Variants in RGS17 observed in about 807,000 individuals in gnomAD.
RGS17 encodes regulator of G-protein signaling 17.
A neutral mutation model predicts 25.5 loss-of-function variants in RGS17; 12 were observed. The ratio of observed to expected loss-of-function variants is 0.47; its 90% CI spans 0.30 to 0.76. RGS17 has a LOEUF of 0.76. RGS17 is among the 30% of genes least tolerant of loss of function. The pLI, the probability that RGS17 is intolerant of heterozygous loss-of-function variation, is 0.07. For synonymous variants in RGS17, 71 were observed against 76.9 expected (o/e 0.92, Z 0.40); for missense variants, 196 against 242.2 (o/e 0.81, Z 1.27).
intron 1 of RGS17, among the ~76,000 whole-genome samples, chr6:153,100,130 GACTAC>G (rs1220967242): frequency 6.6e-6 from 1 of 152,136 alleles, no homozygotes; most frequent in African/African-American, 2.4e-5. Flanking sequence ...TTTATCTAAA[GACTAC>G]ATACCCTGGG....
intron 1 of RGS17, among the ~76,000 whole-genome samples, chr6:153,124,359 G>A (rs1013943810): frequency 1.9e-4 from 29 of 152,246 alleles, no homozygotes; most frequent in African/African-American, 5.3e-4. Flanking sequence ...AAACTAGTCA[G>A]GAAAGGATAA....
At position 153,053,717 on chromosome 6, in the gene RGS17, C is replaced by G. The variant is rs75567850; in HGVS notation, c.-25-9674G>C. Among the ~76,000 whole-genome samples the G allele has an allele frequency of 8.6e-5, 13 of 151,192 alleles. No individual in the cohort carries two copies. In the East Asian group the frequency reaches 2.5e-3, roughly 30 times the overall value. ...CTGAGGTAGGAGGATTGCTTCAACCCAGGTGTTCGAGGCTGCAGTGACCTA... is the reference window on the plus strand; with the variant it reads ...CTGAGGTAGGAGGATTGCTTCAACCGAGGTGTTCGAGGCTGCAGTGACCTA... On this transcript the variant is annotated intron_variant, in intron 1 of 4. Transcript: ENST00000206262.
chr6:153,105,181 A>G (rs895447282), intron 1 of RGS17, among the ~76,000 whole-genome samples: 1 of 152,166 alleles, frequency 6.6e-6, no homozygotes, highest in Admixed American at 6.6e-5. Flanking sequence ...GAACCCAGTC[A>G]GGTTCAATAA....
At chr6:153,070,096 A>G (rs982397773) in intron 1 of RGS17, among the ~76,000 whole-genome samples, 23 of 152,124 alleles carry the variant, frequency 1.5e-4, no homozygotes, top group Non-Finnish European at 2.5e-4. Context: ...AGCTACTAGA[A>G]AGACTTTGCA....
intron 1 of RGS17, among the ~76,000 whole-genome samples, chr6:153,070,010 C>T (rs958552845): frequency 6.6e-6 from 1 of 151,982 alleles, no homozygotes; most frequent in Non-Finnish European, 1.5e-5. Flanking sequence ...AGGAAGTATA[C>T]AAGTGATAGA....
intron 1 of RGS17, among the ~76,000 whole-genome samples, chr6:153,051,866 G>T (rs1039870668): frequency 6.6e-6 from 1 of 152,196 alleles, no homozygotes. Flanking sequence ...TTAGTATGGT[G>T]TGAAGCATGG....
chr6:153,099,340 T>C (rs1297492645), intron 1 of RGS17, among the ~76,000 whole-genome samples: 2 of 152,236 alleles, frequency 1.3e-5, no homozygotes. Flanking sequence ...GGACTTTTAA[T>C]TAATCTTTAT....
chr6:153,120,988 T>C (rs1423899951), intron 1 of RGS17, among the ~76,000 whole-genome samples: 3 of 152,172 alleles, frequency 2.0e-5, no homozygotes, highest in African/African-American at 7.2e-5. Flanking sequence ...AGTTCTCTCC[T>C]AGAATATAAT....
At chr6:153,035,443 G>A (rs546245339) in intron 2 of RGS17, among the ~76,000 whole-genome samples, 15 of 152,140 alleles carry the variant, frequency 9.9e-5, no homozygotes, top group Non-Finnish European at 1.8e-4. Flanking sequence ...AGAGCAGGCA[G>A]ATTGTAATAG....
intron 4 of RGS17, among the ~76,000 whole-genome samples, chr6:153,016,067 A>G (rs1261835618): frequency 1.3e-5 from 2 of 152,208 alleles, no homozygotes; most frequent in South Asian, 2.1e-4. Flanking sequence ...AAGCAAGCCT[A>G]AAAAACATTA....
intron 1 of RGS17, among the ~76,000 whole-genome samples, chr6:153,105,963 G>A: frequency 6.6e-6 from 1 of 152,178 alleles, no homozygotes; most frequent in Non-Finnish European, 1.5e-5. Context: ...GAGCGAAATG[G>A]CAATGGAGGC....
At chr6:153,067,833 A>G (rs2129116406) in intron 1 of RGS17, among the ~76,000 whole-genome samples, 1 of 152,314 alleles carries the variant, frequency 6.6e-6, no homozygotes, top group Non-Finnish European at 1.5e-5. Context: ...TGGAACCACA[A>G]AAGACCCAGA....
rs371460446 is a variant in RGS17 at position 153,019,076 on chromosome 6, C to T, written c.444+5186G>A. On this transcript the variant is annotated intron_variant, in intron 4 of 4. Coordinates refer to ENST00000206262, the MANE Select transcript of RGS17 (RefSeq NM_012419.5). ...AATCAGAAAAAGCAAACTCCTACTA[C>T]GATTACAATTACCATTCCCCAGAGC... Among the ~76,000 whole-genome samples the T allele has an allele frequency of 2.1e-4, 32 of 152,326 alleles. No homozygotes were observed. In the East Asian group the frequency reaches 2.9e-3, roughly 14 times the overall value.
chr6:153,105,962 G>A (rs1291945819), intron 1 of RGS17, among the ~76,000 whole-genome samples: 1 of 152,174 alleles, frequency 6.6e-6, no homozygotes, highest in African/African-American at 2.4e-5. Context: ...GGAGCGAAAT[G>A]GCAATGGAGG....
intron 2 of RGS17, among the ~76,000 whole-genome samples, chr6:153,040,501 T>C (rs1776308326): frequency 6.6e-6 from 1 of 152,188 alleles, no homozygotes. Context: ...CAGAAATTTA[T>C]TTTCTTACCA....
intron 1 of RGS17, among the ~76,000 whole-genome samples, chr6:153,050,904 C>T (rs1357259652): frequency 6.6e-6 from 1 of 152,042 alleles, no homozygotes. Flanking sequence ...GAGGTGGGGC[C>T]TTTCAGAGGT....
At position 153,010,115 on chromosome 6, in the gene RGS17, T is replaced by C. The variant is rs1187996219; in HGVS notation, c.*1459A>G. On this transcript the variant is annotated 3_prime_UTR_variant, in exon 5 of 5. Transcript: ENST00000206262. ...ATAAGGCCAGTGTTCTCAGTGGATATAAATCTTTTTAAAACTTTCATTTTA... is the reference window on the plus strand; with the variant it reads ...ATAAGGCCAGTGTTCTCAGTGGATACAAATCTTTTTAAAACTTTCATTTTA... 2 of 151,898 alleles carry C rather than the reference T, an allele frequency of 1.3e-5. No individual in the cohort carries two copies. The highest frequency in any genetic ancestry group is 2.9e-5 in the Non-Finnish European group (2 of 67,824). The allele number at this position is 151,898 out of a possible 1,614,324, so 9.4% of individuals were successfully genotyped here. A position where few individuals can be genotyped will look rare whatever the true frequency, so the allele number is the denominator to read the frequency against.
At chr6:153,045,864 T>G (rs1776378404) in intron 1 of RGS17, among the ~76,000 whole-genome samples, 1 of 152,192 alleles carries the variant, frequency 6.6e-6, no homozygotes, top group African/African-American at 2.4e-5. Context: ...TTTTCCAATT[T>G]GGATGCCTTT....
chr6:153,091,984 A>G (rs1274952374), intron 1 of RGS17, among the ~76,000 whole-genome samples: 14 of 152,196 alleles, frequency 9.2e-5, no homozygotes. Flanking sequence ...ACAGAAAAAA[A>G]TTCCCACCTT....
Sources: gnomAD v4.1 joint callset for allele counts (sites outside exome capture counted in the v4.1 genomes callset) on GRCh38, gnomAD v4.1.1 for gene constraint, MANE v1.5 for transcripts, NCBI Gene and HGNC (gene_info 2026-07-23, HGNC 2026-07-21) for gene names.